Variants in LRP1B observed in about 807,000 individuals in gnomAD.
LRP1B encodes low-density lipoprotein receptor-related protein 1B.
Under a neutral mutation model 556.6 loss-of-function variants are expected in LRP1B, and 217 were observed. That is an observed-to-expected ratio of 0.39 (90% CI 0.35 to 0.44). The LOEUF (loss-of-function observed/expected upper bound fraction) is 0.44. Among genes scored for constraint, LRP1B ranks in the 20% least tolerant of loss-of-function variants. The pLI, the probability that LRP1B is intolerant of heterozygous loss-of-function variation, is 1.00. For synonymous variants in LRP1B, 2,047 were observed against 1,865.8 expected (o/e 1.10, Z -2.50); for missense variants, 5,053 against 5,620.8 (o/e 0.90, Z 3.23).
intron 1 of LRP1B, among the ~76,000 whole-genome samples, chr2:141,906,115 CTG>C (rs1433497817): frequency 2.6e-5 from 4 of 151,376 alleles, no homozygotes; most frequent in Non-Finnish European, 4.4e-5. Flanking sequence ...TAAAATAGAA[CTG>C]TATTTATTTG....
chr2:141,229,528 A>G, intron 5 of LRP1B, 88 bp from the exon 6 acceptor site: 1 of 966,454 alleles, frequency 1.0e-6, no homozygotes, highest in Non-Finnish European at 1.5e-6. Context: ...GCTATTTTCT[A>G]TACTTTTAAT....
chr2:141,004,575 A>G (rs530432400), intron 15 of LRP1B, among the ~76,000 whole-genome samples: 1 of 152,192 alleles, frequency 6.6e-6, no homozygotes, highest in African/African-American at 2.4e-5. Flanking sequence ...ATCAGTTTTT[A>G]TAATTTATAA....
chr2:141,344,663 T>C (rs1688181772), intron 3 of LRP1B, among the ~76,000 whole-genome samples: 1 of 152,200 alleles, frequency 6.6e-6, no homozygotes, highest in South Asian at 2.1e-4. Flanking sequence ...TTTCTGTCTC[T>C]CCTCCATTGA....
intron 2 of LRP1B, among the ~76,000 whole-genome samples, chr2:141,766,438 T>A (rs1386746292): frequency 3.3e-5 from 5 of 152,198 alleles, no homozygotes; most frequent in Non-Finnish European, 7.4e-5. Flanking sequence ...TTACAGCTAA[T>A]GTCCTCATCA....
At chr2:141,669,576 A>G (rs1319452924) in intron 2 of LRP1B, among the ~76,000 whole-genome samples, 1 of 152,032 alleles carries the variant, frequency 6.6e-6, no homozygotes, top group Non-Finnish European at 1.5e-5. Context: ...AAGACTTGCT[A>G]CCTTTCATTG....
At chr2:140,783,994 A>C (rs1425653727) in intron 32 of LRP1B, among the ~76,000 whole-genome samples, 1 of 152,156 alleles carries the variant, frequency 6.6e-6, no homozygotes, top group African/African-American at 2.4e-5. Flanking sequence ...GGGGCCCAAC[A>C]ATTTGCATTT....
At chr2:141,124,409 C>G (rs563512304) in intron 7 of LRP1B, among the ~76,000 whole-genome samples, 3 of 152,180 alleles carry the variant, frequency 2.0e-5, no homozygotes, top group African/African-American at 7.2e-5. Context: ...TGTTCTTGCT[C>G]TTTCATTTTT....
intron 35 of LRP1B, among the ~76,000 whole-genome samples, chr2:140,732,033 T>C (rs1245511254): frequency 2.0e-5 from 3 of 152,098 alleles, no homozygotes; most frequent in African/African-American, 7.2e-5. Context: ...CACCAAAAGA[T>C]ATAGTATTGT....
intron 32 of LRP1B, among the ~76,000 whole-genome samples, chr2:140,778,192 T>C (rs985421941): frequency 2.0e-5 from 3 of 152,178 alleles, no homozygotes; most frequent in Admixed American, 2.0e-4. Context: ...TCTTATGAGA[T>C]TGCTTGAACT....
At chr2:140,548,162 A>C (rs1680416736) in intron 43 of LRP1B, among the ~76,000 whole-genome samples, 1 of 152,134 alleles carries the variant, frequency 6.6e-6, no homozygotes, top group Non-Finnish European at 1.5e-5. Context: ...TATTATTGCA[A>C]ATTGTATTCA....
chr2:140,675,658 T>C (rs1685645269), intron 41 of LRP1B, among the ~76,000 whole-genome samples: 1 of 152,144 alleles, frequency 6.6e-6, no homozygotes, highest in African/African-American at 2.4e-5. Context: ...GCTCCTGTAG[T>C]TCCAGCTACT....
chr2:142,130,610 G>A (rs1020437955), intron 1 of LRP1B, 38 bp downstream of exon 1: 12 of 1,552,278 alleles, frequency 7.7e-6, no homozygotes, highest in Non-Finnish European at 1.1e-5. Context: ...GAAAGCCAAG[G>A]AAGTCAGGGG....
intron 18 of LRP1B, among the ~76,000 whole-genome samples, chr2:140,978,618 A>G (rs1417154651): frequency 1.3e-5 from 2 of 152,174 alleles, no homozygotes; most frequent in Non-Finnish European, 2.9e-5. Flanking sequence ...GTCGTTTTGT[A>G]TGCAGTGCAG....
intron 7 of LRP1B, among the ~76,000 whole-genome samples, chr2:141,184,689 T>A (rs1165027455): frequency 6.6e-6 from 1 of 151,748 alleles, no homozygotes; most frequent in African/African-American, 2.4e-5. Flanking sequence ...AGTACCTTTG[T>A]ATGCTTTTCT....
chr2:141,774,224 T>A (rs1366447026), intron 2 of LRP1B, among the ~76,000 whole-genome samples: 1 of 152,174 alleles, frequency 6.6e-6, no homozygotes, highest in Non-Finnish European at 1.5e-5. Flanking sequence ...AATAAATACC[T>A]GAGGCTGGGT....
At chr2:141,828,325 G>T (rs1697003352) in intron 1 of LRP1B, among the ~76,000 whole-genome samples, 1 of 151,796 alleles carries the variant, frequency 6.6e-6, no homozygotes, top group Non-Finnish European at 1.5e-5. Context: ...ACAGCAGTGT[G>T]GTAATTCAAT....
chr2:140,263,283 C>T (rs1299304504), intron 86 of LRP1B, among the ~76,000 whole-genome samples: 1 of 152,060 alleles, frequency 6.6e-6, no homozygotes, highest in Non-Finnish European at 1.5e-5. Flanking sequence ...TCTGGTGATG[C>T]ATCAAAAATC....
intron 2 of LRP1B, among the ~76,000 whole-genome samples, chr2:141,644,050 G>A (rs1323517341): frequency 6.7e-6 from 1 of 149,514 alleles, no homozygotes; most frequent in Non-Finnish European, 1.5e-5. Flanking sequence ...GTGTGTGTGT[G>A]TATGTGAGTA....
rs1448243406 is a variant in LRP1B, at chr2:140,330,789, A to ATTCT, written c.12223+3663_12223+3664insAGAA. 2.6e-5 allele frequency among the ~76,000 whole-genome samples: 4 copies of ATTCT among 152,176 alleles called. No individual in the cohort carries two copies. In the East Asian group the frequency reaches 7.7e-4, roughly 29 times the overall value. ...CTATCAGAGTGAACAGACAACCTAC[A>ATTCT]GAATGGTAGACAATTTTTGCAATCC... is the stretch of plus-strand genomic sequence containing the variant. On this transcript the variant is annotated intron_variant, in intron 79 of 90. Coordinates refer to ENST00000389484, the MANE Select transcript of LRP1B (RefSeq NM_018557.3).
Sources: allele counts gnomAD v4.1 joint callset (sites outside exome capture counted in the v4.1 genomes callset), GRCh38; gene constraint gnomAD v4.1.1; transcripts MANE v1.5; gene names NCBI Gene and HGNC (gene_info 2026-07-23, HGNC 2026-07-21).